The following LYRM4 variants were observed in gnomAD, a reference collection of about 807,000 sequenced individuals.
The protein encoded by LYRM4 is LYR motif containing 4, also known as LYR motif-containing protein 4.
Under a neutral mutation model 11.7 loss-of-function variants are expected in LYRM4, and 9 were observed. The observed-to-expected ratio is 0.77, with a 90% CI of 0.46 to 1.34. The LOEUF is 1.34. LYRM4 is among the 40% of genes most tolerant of loss of function. The pLI is 0.00. For missense variants in LYRM4, 133 were observed against 112.5 expected (o/e 1.18, Z -0.82); for synonymous variants, 42 against 40.4 (o/e 1.04, Z -0.15).
chr6:5,245,442 A>AGT (rs1035959982), intron 1 of LYRM4, among the ~76,000 whole-genome samples: 2 of 151,932 alleles, frequency 1.3e-5, no homozygotes, highest in Non-Finnish European at 2.9e-5. Context: ...CAGTTAACTC[A>AGT]AACACAGTTC....
intron 2 of LYRM4, chr6:5,136,297 T>C (rs935259469): frequency 1.0e-6 from 1 of 985,406 alleles, no homozygotes; most frequent in Non-Finnish European, 1.2e-6. Flanking sequence ...TCAATACTTT[T>C]AAAACCAAAT....
the LYRM4 span, among the ~76,000 whole-genome samples, chr6:5,048,967 G>C: frequency 1.3e-5 from 2 of 152,200 alleles, no homozygotes; most frequent in African/African-American, 2.4e-5. Flanking sequence ...AGAGCCAGAA[G>C]ATAGAGTAGA....
At chr6:5,059,584 C>A in the LYRM4 span, among the ~76,000 whole-genome samples, 2 of 152,126 alleles carry the variant, frequency 1.3e-5, no homozygotes, top group Admixed American at 1.3e-4. Context: ...CCTGGACATG[C>A]CTGCTCTGCG....
chr6:5,206,796 T>C (rs1423564461), intron 2 of LYRM4, among the ~76,000 whole-genome samples: 1 of 152,162 alleles, frequency 6.6e-6, no homozygotes, highest in Non-Finnish European at 1.5e-5. Context: ...ACTAGCATTA[T>C]TTAATCAAAC....
At chr6:5,120,431 T>G (rs779264901) in intron 2 of LYRM4, among the ~76,000 whole-genome samples, 3 of 152,148 alleles carry the variant, frequency 2.0e-5, no homozygotes, top group Admixed American at 2.0e-4. Flanking sequence ...ACTTCAGGAA[T>G]GAAGCCACAG....
At chr6:5,178,589 G>A (rs530402651) in intron 2 of LYRM4, among the ~76,000 whole-genome samples, 1 of 151,482 alleles carries the variant, frequency 6.6e-6, no homozygotes, top group South Asian at 2.1e-4. Flanking sequence ...CGAGGCAGGT[G>A]GATTAGCTGA....
At chr6:5,257,153 G>A (rs1166085399) in intron 1 of LYRM4, among the ~76,000 whole-genome samples, 1 of 152,126 alleles carries the variant, frequency 6.6e-6, no homozygotes, top group African/African-American at 2.4e-5. Flanking sequence ...TCAGGTTAGT[G>A]GCTGCCTGTG....
chr6:5,226,442 T>C (rs1273789099), intron 1 of LYRM4, among the ~76,000 whole-genome samples: 7 of 152,220 alleles, frequency 4.6e-5, no homozygotes, highest in African/African-American at 1.7e-4. Context: ...TGGAGTGCAA[T>C]GGCGCAATCT....
At chr6:5,076,602 G>T in the LYRM4 span, among the ~76,000 whole-genome samples, 1 of 152,230 alleles carries the variant, frequency 6.6e-6, no homozygotes, top group East Asian at 1.9e-4. Flanking sequence ...TAGCCACAGT[G>T]CATCTTTGCT....
At chr6:5,056,148 A>G in the LYRM4 span, among the ~76,000 whole-genome samples, 1 of 152,146 alleles carries the variant, frequency 6.6e-6, no homozygotes, top group Non-Finnish European at 1.5e-5. Context: ...CTACAGACAC[A>G]TGCCACCGTG....
the LYRM4 span, chr6:5,086,096 C>A: frequency 6.8e-7 from 1 of 1,467,108 alleles, no homozygotes; most frequent in Non-Finnish European, 8.9e-7. Flanking sequence ...TTCCAGCTCC[C>A]GGGGCCGAGC....
chr6:5,077,887 C>A, the LYRM4 span, among the ~76,000 whole-genome samples: 1 of 152,108 alleles, frequency 6.6e-6, no homozygotes, highest in African/African-American at 2.4e-5. Flanking sequence ...TAGGGTTCTT[C>A]TTCTAAAATA....
At chr6:5,226,878 T>TA (rs1423036463) in intron 1 of LYRM4, among the ~76,000 whole-genome samples, 2 of 152,096 alleles carry the variant, frequency 1.3e-5, no homozygotes, top group African/African-American at 2.4e-5. Flanking sequence ...ATTGATATAA[T>TA]AAAAATCAGT....
At chr6:5,186,814 T>C in intron 2 of LYRM4, 1 of 575,572 alleles carries the variant, frequency 1.7e-6, no homozygotes, top group Non-Finnish European at 2.7e-6. Flanking sequence ...TGAAATCACA[T>C]CTCTACTAAG....
chr6:5,254,137 G>A (rs1303783623), intron 1 of LYRM4, among the ~76,000 whole-genome samples: 2 of 152,188 alleles, frequency 1.3e-5, no homozygotes, highest in Non-Finnish European at 2.9e-5. Context: ...AAACGGCAAT[G>A]CCTGCAGCCA....
chr6:5,124,987 T>C (rs1397679034), intron 2 of LYRM4, among the ~76,000 whole-genome samples: 1 of 152,224 alleles, frequency 6.6e-6, no homozygotes, highest in Non-Finnish European at 1.5e-5. Flanking sequence ...GCCCATTTCA[T>C]GTCCCCAGCA....
At chr6:5,064,161 G>A in the LYRM4 span, among the ~76,000 whole-genome samples, 1 of 151,680 alleles carries the variant, frequency 6.6e-6, no homozygotes, top group African/African-American at 2.4e-5. Context: ...TTATTCCAAA[G>A]TCAAGGTTTT....
chr6:5,071,592 ATG>A, the LYRM4 span, among the ~76,000 whole-genome samples: 1 of 150,934 alleles, frequency 6.6e-6, no homozygotes, highest in African/African-American at 2.4e-5. Flanking sequence ...GTGTATGTGT[ATG>A]TGTGTGTATG....
At chr6:5,233,362 C>G (rs1763354276) in intron 1 of LYRM4, among the ~76,000 whole-genome samples, 1 of 152,204 alleles carries the variant, frequency 6.6e-6, no homozygotes, top group African/African-American at 2.4e-5. Context: ...AACACAGCAC[C>G]TTATTCCCTT....
Sources: gnomAD v4.1 joint callset for allele counts (sites outside exome capture counted in the v4.1 genomes callset) on GRCh38, gnomAD v4.1.1 for gene constraint, MANE v1.5 for transcripts, NCBI Gene and HGNC (gene_info 2026-07-23, HGNC 2026-07-21) for gene names.